PRKAR1B: variants seen among roughly 807,000 people sequenced by gnomAD.
The protein encoded by PRKAR1B is cAMP-dependent protein kinase type I-beta regulatory subunit.
Under a neutral mutation model 46.5 loss-of-function variants are expected in PRKAR1B, and 22 were observed. The observed-to-expected ratio is 0.47, with a 90% CI of 0.34 to 0.68. PRKAR1B has a LOEUF of 0.68. Ranked by LOEUF, PRKAR1B falls within the 30% of genes least tolerant of loss-of-function variation. The probability of loss-of-function intolerance (pLI) is 0.01; values close to 1 mark genes in which losing one functional copy is unlikely to be tolerated. For synonymous variants in PRKAR1B, 259 were observed against 217.7 expected, an observed-to-expected ratio of 1.19 and a Z score of -1.67; for missense variants, 445 against 535.6, an observed-to-expected ratio of 0.83 and a Z score of 1.67.
At chr7:681,194 T>C (rs1234707488) in intron 2 of PRKAR1B, among the ~76,000 whole-genome samples, 2 of 152,052 alleles carry the variant, frequency 1.3e-5, no homozygotes, top group Admixed American at 6.6e-5. Context: ...CCTTCTGCTA[T>C]GATCATAAGT....
rs1282138279 is a variant in PRKAR1B, at chr7:666,798, C to T, written c.440+10431G>A. Among the ~76,000 whole-genome samples, 2 of 152,230 alleles carry T rather than the reference C, an allele frequency of 1.3e-5. No individual in the cohort carries two copies. The highest frequency in any genetic ancestry group is 6.5e-5 in the Admixed American group (1 of 15,280). ...CCCAGCCTCTTTCTCAGACCAAGTACTGAGTGGGGCCTGACTGCGGGGTCT... is the reference window on the plus strand; with the variant it reads ...CCCAGCCTCTTTCTCAGACCAAGTATTGAGTGGGGCCTGACTGCGGGGTCT... On this transcript the variant is annotated intron_variant, in intron 4 of 10. Transcript: ENST00000537384. The surrounding 1 kb of genome is among the most constrained non-coding windows in gnomAD (Gnocchi z 4.9).
intron 10 of PRKAR1B, 104 bp downstream of exon 10, chr7:551,285 G>GC: frequency 9.2e-7 from 1 of 1,087,824 alleles, no homozygotes; most frequent in East Asian, 2.6e-5. Context: ...CCACTACAAG[G>GC]CCCCAGGGAA....
intron 2 of PRKAR1B, among the ~76,000 whole-genome samples, chr7:697,552 A>C (rs1271017519): frequency 6.6e-6 from 1 of 152,112 alleles, no homozygotes; most frequent in Non-Finnish European, 1.5e-5. Context: ...CAGTTCCATG[A>C]GCGGCCCTAA....
At chr7:686,618 T>G (rs1264748047) in intron 2 of PRKAR1B, among the ~76,000 whole-genome samples, 3 of 152,318 alleles carry the variant, frequency 2.0e-5, no homozygotes, top group African/African-American at 4.8e-5. Context: ...TTTTTACTCC[T>G]GTTAATGACT....
chr7:585,080 A>G (rs887234068), intron 7 of PRKAR1B, among the ~76,000 whole-genome samples: 1 of 152,226 alleles, frequency 6.6e-6, no homozygotes, highest in African/African-American at 2.4e-5. Context: ...CAACCCTGGG[A>G]AAAGCATGCT....
chr7:675,153 A>G (rs534488214), intron 4 of PRKAR1B, among the ~76,000 whole-genome samples: 1 of 152,342 alleles, frequency 6.6e-6, no homozygotes, highest in African/African-American at 2.4e-5. Context: ...TGACCTTGGC[A>G]AAGGCAGCAG....
At chr7:571,865 G>A (rs769057580) in intron 9 of PRKAR1B, among the ~76,000 whole-genome samples, 11 of 152,220 alleles carry the variant, frequency 7.2e-5, no homozygotes, top group African/African-American at 2.2e-4. Flanking sequence ...CAGCTGGACC[G>A]TCCCCGCCTC....
intron 4 of PRKAR1B, among the ~76,000 whole-genome samples, chr7:653,750 G>C (rs1049660414): frequency 2.6e-5 from 4 of 152,174 alleles, no homozygotes; most frequent in African/African-American, 9.7e-5. Context: ...ATGATTTCTA[G>C]GAAAGCACAA....
At chr7:614,978 G>A (rs978805379) in intron 4 of PRKAR1B, among the ~76,000 whole-genome samples, 2 of 152,182 alleles carry the variant, frequency 1.3e-5, no homozygotes, top group African/African-American at 4.8e-5. Context: ...TCGGGAGGCT[G>A]AGGCAGGAGG....
At position 588,762 on chromosome 7, in the gene PRKAR1B, G is replaced by A. The variant is rs368834982; in HGVS notation, c.709-4194C>T. 2.7e-3 allele frequency among the ~76,000 whole-genome samples: 194 copies of A among 72,058 alleles called. 3 individuals carry two copies. The highest frequency in any genetic ancestry group is 0.01 in the East Asian group (16 of 1,562). The allele number at this position is 72,058 out of a possible 152,430, so 47.3% of individuals were successfully genotyped here. ...GACAGTGGTGATGGTGATGGTGATGGTGGTGATGGTGATGGTGGTGATGGT... is the reference window on the plus strand; with the variant it reads ...GACAGTGGTGATGGTGATGGTGATGATGGTGATGGTGATGGTGGTGATGGT... On this transcript the variant is annotated intron_variant, in intron 7 of 10. Transcript: ENST00000537384.
rs150538055 is a variant in PRKAR1B, at chr7:680,694, C to G, written c.210G>C (p.Lys70Asn). The change falls in exon 3 of 11, where the codon AAG becomes AAC. Residue 70 changes from lysine (K) to asparagine (N), a missense_variant. Lys to Asn is a moderately conservative substitution (Grantham distance 94). This residue lies in a region of PRKAR1B where 155 missense variants were observed against 127.5 expected (regional missense o/e 1.22). Transcript: ENST00000537384. Reference protein sequence around the residue: ...EENRQILARQKSNSQSDSHDE... With the variant: ...EENRQILARQNSNSQSDSHDE... ...CATGGGAGTCCGACTGTGAGTTTGA[C>G]TTTTGCCGCGCCAAAATCTGCCTGT... 6.2e-7 allele frequency: 1 copy of G among 1,613,930 alleles called. No homozygotes were observed.
At chr7:606,445 T>C (rs1253271048) in intron 5 of PRKAR1B, among the ~76,000 whole-genome samples, 1 of 152,234 alleles carries the variant, frequency 6.6e-6, no homozygotes, top group African/African-American at 2.4e-5. Context: ...TAGTGAACTT[T>C]CTCTAAACAA....
intron 9 of PRKAR1B, among the ~76,000 whole-genome samples, chr7:573,384 G>A (rs138179523): frequency 5.5e-4 from 84 of 151,804 alleles, no homozygotes; most frequent in African/African-American, 1.9e-3. Context: ...CCTGCGCAGC[G>A]CTCTGCTCTC....
chr7:561,966 G>C (rs1778828850), intron 9 of PRKAR1B: 1 of 152,326 alleles, frequency 6.6e-6, no homozygotes, highest in South Asian at 2.1e-4. Flanking sequence ...TCTGCAGCCA[G>C]GCACTGTCCG....
intron 4 of PRKAR1B, among the ~76,000 whole-genome samples, chr7:668,991 T>C (rs935351376): frequency 2.6e-5 from 4 of 152,076 alleles, no homozygotes; most frequent in Admixed American, 6.5e-5. Context: ...TCCATCAGCA[T>C]CTGCCCAGGA....
intron 4 of PRKAR1B, among the ~76,000 whole-genome samples, chr7:662,016 C>A (rs1292855168): frequency 4.2e-5 from 3 of 70,744 alleles, no homozygotes; most frequent in Non-Finnish European, 8.6e-5. Context: ...CAGGTCCCCA[C>A]CCCAACGGAT....
chr7:692,998 G>A (rs893036437), intron 2 of PRKAR1B, among the ~76,000 whole-genome samples: 15 of 151,818 alleles, frequency 9.9e-5, no homozygotes, highest in Admixed American at 2.0e-4. Context: ...GCAGTGGTGC[G>A]ATCTCGGCTC....
rs948864935 is a variant in PRKAR1B at position 557,065 on chromosome 7, G to A, written c.892-5595C>T. Among the ~76,000 whole-genome samples the A allele has an allele frequency of 3.3e-5, 5 of 152,346 alleles. No individual in the cohort carries two copies. The South Asian group carries it at 1.0e-3, about 32-fold the overall frequency. ...CCCTCCCACCCCCGGCCTGGGCCGG[G>A]CAGCTTCCGTTTCCAACCAGAGTCG... On this transcript the variant is annotated intron_variant, in intron 9 of 10. Coordinates refer to ENST00000537384, the MANE Select transcript of PRKAR1B (RefSeq NM_001164760.2).
At position 587,032 on chromosome 7, in the gene PRKAR1B, C is replaced by T. The variant is rs984644941; in HGVS notation, c.709-2464G>A. On this transcript the variant is annotated intron_variant, in intron 7 of 10. Coordinates refer to ENST00000537384, the MANE Select transcript of PRKAR1B (RefSeq NM_001164760.2). Reference sequence around the variant, plus strand: ...CGGAGTAGCTGGGACTACAGGCGCCCGCCACCATGCCCAGCTAATGTTTTT... The same window carrying T: ...CGGAGTAGCTGGGACTACAGGCGCCTGCCACCATGCCCAGCTAATGTTTTT... Among the ~76,000 whole-genome samples, 53 of 152,024 alleles carry T rather than the reference C, an allele frequency of 3.5e-4. 2 individuals are homozygous for T. The highest frequency in any genetic ancestry group is 5.9e-5 in the Non-Finnish European group (4 of 68,002).
Sources: gnomAD v4.1 joint callset for allele counts (sites outside exome capture counted in the v4.1 genomes callset) on GRCh38, gnomAD v4.1.1 for gene constraint, gnomAD v4.1.1 regional missense constraint, Gnocchi (gnomAD v3.1) non-coding constraint, MANE v1.5 for transcripts, NCBI Gene and HGNC (gene_info 2026-07-23, HGNC 2026-07-21) for gene names.